ATP6V0E2: variants seen among roughly 807,000 people sequenced by gnomAD.
ATP6V0E2 encodes the protein ATPase H+ transporting V0 subunit e2, also known as V-type proton ATPase subunit e 2.
A neutral mutation model predicts 11.5 loss-of-function variants in ATP6V0E2; 4 were observed. The ratio of observed to expected loss-of-function variants is 0.35; its 90% confidence interval spans 0.17 to 0.80. The LOEUF (loss-of-function observed/expected upper bound fraction) is 0.80, where lower values mean the gene tolerates loss of function less well. Ranked by LOEUF, ATP6V0E2 falls within the 30% of genes least tolerant of loss-of-function variation. The pLI, the probability that ATP6V0E2 is intolerant of heterozygous loss-of-function variation, is 0.53. For synonymous variants in ATP6V0E2, 52 were observed against 51.0 expected (o/e 1.02, Z -0.09); for missense variants, 93 against 113.5 (o/e 0.82, Z 0.82).
intron 2 of ATP6V0E2, among the ~76,000 whole-genome samples, chr7:149,877,591 T>C: frequency 6.7e-6 from 1 of 149,048 alleles, no homozygotes; most frequent in East Asian, 2.0e-4. Flanking sequence ...AAATTCTTCC[T>C]GGACAGAGCA....
chr7:149,878,407 C>T (rs995826892), intron 2 of ATP6V0E2, among the ~76,000 whole-genome samples: 1 of 152,156 alleles, frequency 6.6e-6, no homozygotes, highest in Non-Finnish European at 1.5e-5. Context: ...AGGCTGCCTC[C>T]CCTCTTCTCT....
At chr7:149,878,031 C>G (rs1012254708) in intron 2 of ATP6V0E2, among the ~76,000 whole-genome samples, 3 of 152,146 alleles carry the variant, frequency 2.0e-5, no homozygotes, top group African/African-American at 7.2e-5. Flanking sequence ...GTGGGGGGCC[C>G]TTCCAGGTCA....
At chr7:149,874,288 A>G in intron 1 of ATP6V0E2, 119 bp downstream of exon 1, 1 of 1,321,670 alleles carries the variant, frequency 7.6e-7, no homozygotes, top group Non-Finnish European at 1.0e-6. Context: ...GAGGGACGCC[A>G]GGACCCCGGA....
rs758037402 is a variant in ATP6V0E2 at position 149,879,379 on chromosome 7, C to T, written c.*64C>T. 3 of 1,581,640 alleles carry T rather than the reference C, an allele frequency of 1.9e-6. No individual in the cohort carries two copies. The highest frequency in any genetic ancestry group is 1.2e-5 in the South Asian group (1 of 86,148). On this transcript the variant is annotated 3_prime_UTR_variant, in exon 4 of 4. Coordinates refer to ENST00000425642, the MANE Select transcript of ATP6V0E2 (RefSeq NM_145230.4). ...ACTGTGGCTCCACTGTCCCTGACAA[C>T]CCCTTCGTCCGGACCCTCCCCCACA...
At chr7:149,878,379 G>T (rs1165445385) in intron 2 of ATP6V0E2, among the ~76,000 whole-genome samples, 1 of 152,116 alleles carries the variant, frequency 6.6e-6, no homozygotes, top group Non-Finnish European at 1.5e-5. Context: ...GCTGGGAGTC[G>T]CTCCCAAAGC....
Position 149,878,806 on chromosome 7 carries a change from G to C in ATP6V0E2, c.*19+16G>C, listed in dbSNP as rs759464614. The C allele has an allele frequency of 2.5e-6, 4 of 1,609,432 alleles. No homozygotes were observed. In the South Asian group the frequency reaches 3.3e-5, roughly 13 times the overall value. ...CCCGACCCAGGTACTGTGTGGGCGA[G>C]GGGTGTGGGTGGGGAAGAGGGGAAA... On this transcript the variant is annotated intron_variant, in intron 3 of 3. Coordinates refer to ENST00000425642, the MANE Select transcript of ATP6V0E2 (RefSeq NM_145230.4).
Position 149,879,312 on chromosome 7 carries a change from C to T in ATP6V0E2, c.*20-23C>T, listed in dbSNP as rs960608534. ...GAGTCTCCACTGCAAGGCCGGGACC[C>T]TTCCATGTGATGTGCTTTTCAGGTG... is the stretch of plus-strand genomic sequence containing the variant. On this transcript the variant is annotated intron_variant, in intron 3 of 3. Transcript: ENST00000425642. 8.0e-6 allele frequency: 12 copies of T among 1,501,086 alleles called. No individual in the cohort carries two copies. The African/African-American group carries it at 1.3e-4, about 16-fold the overall frequency. 93.0% of individuals were successfully genotyped at this position (1,501,086 alleles called of 1,614,324 possible). A position where few individuals can be genotyped will look rare whatever the true frequency, so the allele number is the denominator to read the frequency against.
rs1344858908 is a variant in ATP6V0E2, at chr7:149,879,862, G to A, written c.*547G>A. On this transcript the variant is annotated 3_prime_UTR_variant, in exon 4 of 4. Coordinates refer to ENST00000425642, the MANE Select transcript of ATP6V0E2 (RefSeq NM_145230.4). ...GTCTAGATGTGAAATTTCTGAAAATGTTGAAGCAGAGAAACATTCACACAC... is the reference window on the plus strand; with the variant it reads ...GTCTAGATGTGAAATTTCTGAAAATATTGAAGCAGAGAAACATTCACACAC... 2 of 438,494 alleles carry A rather than the reference G, an allele frequency of 4.6e-6. No homozygotes were observed. The highest frequency in any genetic ancestry group is 7.7e-6 in the Non-Finnish European group (2 of 259,946). 27.2% of individuals were successfully genotyped at this position (438,494 alleles called of 1,614,324 possible).
In ATP6V0E2 at chr7:149,879,443, C is replaced by T. The variant is rs1028395705; in HGVS notation, c.*128C>T. 5 of 1,602,102 alleles carry T rather than the reference C, an allele frequency of 3.1e-6. No individual in the cohort carries two copies. The highest frequency in any genetic ancestry group is 3.4e-5 in the Admixed American group (2 of 58,660). ...TCACCAGCTCCCTCCTGCTGGCACC[C>T]AGAGACCCGGACCCGCAGGGCCTGC... On this transcript the variant is annotated 3_prime_UTR_variant, in exon 4 of 4. Coordinates refer to ENST00000425642, the MANE Select transcript of ATP6V0E2 (RefSeq NM_145230.4).
At chr7:149,875,676 GCCAGTTCCTTTGT>G in intron 2 of ATP6V0E2, 31 bp downstream of exon 2, 1 of 1,607,196 alleles carries the variant, frequency 6.2e-7, no homozygotes, top group Non-Finnish European at 8.5e-7. Context: ...CTCAAAGTCA[GCCAGTTCCTTTGT>G]CCTCCCTCCT....
Position 149,875,590 on chromosome 7 carries a change from T to G in ATP6V0E2, c.105-8T>G. ...ATTTGTTCTGACCCGTGTCCTCTTC[T>G]GCTGCAGAGTGATCATCACCATGCT... On this transcript the variant is annotated splice_polypyrimidine_tract_variant and splice_region_variant and intron_variant, in intron 1 of 3. Coordinates refer to ENST00000425642, the MANE Select transcript of ATP6V0E2 (RefSeq NM_145230.4). 4.3e-6 allele frequency: 7 copies of G among 1,613,810 alleles called. No homozygotes were observed. Among genetic ancestry groups the G allele is most frequent in the East Asian group, 2.2e-5 (1 of 44,886 alleles).
intron 2 of ATP6V0E2, among the ~76,000 whole-genome samples, chr7:149,876,502 G>C (rs1209741696): frequency 1.3e-5 from 2 of 152,224 alleles, no homozygotes; most frequent in Non-Finnish European, 2.9e-5. Context: ...CAGATCCTCA[G>C]TGTCTATTGT....
At position 149,874,040 on chromosome 7, in the gene ATP6V0E2, C is replaced by A. The variant is rs1028602775; in HGVS notation, c.-26C>A. ...CAGCGCCCGCTGCTCGGCCCTGCAT[C>A]CTGCCTGGGCATCCTGCGCCCGGCC... On this transcript the variant is annotated 5_prime_UTR_variant, in exon 1 of 4. Coordinates refer to ENST00000425642, the MANE Select transcript of ATP6V0E2 (RefSeq NM_145230.4). 2 of 1,549,618 alleles carry A rather than the reference C, an allele frequency of 1.3e-6. No homozygotes were observed. The highest frequency in any genetic ancestry group is 2.7e-5 in the African/African-American group (2 of 73,162).
Position 149,879,832 on chromosome 7 carries a change from G to T in ATP6V0E2, c.*517G>T, listed in dbSNP as rs1180092679. 5 of 485,482 alleles carry T rather than the reference G, an allele frequency of 1.0e-5. No individual in the cohort carries two copies. The highest frequency in any genetic ancestry group is 1.7e-5 in the Non-Finnish European group (5 of 299,222). 30.1% of individuals were successfully genotyped at this position (485,482 alleles called of 1,614,324 possible). ...TCTGGCATGGAATTGTTAATTTTCT[G>T]ACACGTCTAGATGTGAAATTTCTGA... On this transcript the variant is annotated 3_prime_UTR_variant, in exon 4 of 4. Transcript: ENST00000425642.
At chr7:149,879,167 G>T (rs1184606476) in intron 3 of ATP6V0E2, 168 bp from the exon 4 acceptor site, 2 of 1,400,200 alleles carry the variant, frequency 1.4e-6, no homozygotes, top group East Asian at 5.4e-5. Context: ...TCCTCACAGC[G>T]CTTCACCCCA....
Position 149,878,564 on chromosome 7 carries a change from C to G in ATP6V0E2, c.153-114C>G, listed in dbSNP as rs1158537836. The G allele has an allele frequency of 4.8e-6, 4 of 827,532 alleles. No homozygotes were observed. In the South Asian group the frequency reaches 7.3e-5, roughly 15 times the overall value. 51.3% of individuals were successfully genotyped at this position (827,532 alleles called of 1,614,324 possible). On this transcript the variant is annotated intron_variant, in intron 2 of 3. Coordinates refer to ENST00000425642, the MANE Select transcript of ATP6V0E2 (RefSeq NM_145230.4). ...TGGGCCCTTCTTCACCCTGGGAACACAGGCCCTGCCATCTGCTGGGTTGGC... is the reference window on the plus strand; with the variant it reads ...TGGGCCCTTCTTCACCCTGGGAACAGAGGCCCTGCCATCTGCTGGGTTGGC...
Position 149,879,317 on chromosome 7 carries a change from A to G in ATP6V0E2, c.*20-18A>G, listed in dbSNP as rs758988562. The G allele has an allele frequency of 2.4e-5, 36 of 1,509,342 alleles. No individual in the cohort carries two copies. Among genetic ancestry groups the G allele is most frequent in the Middle Eastern group, 1.8e-4 (1 of 5,668 alleles). The allele number at this position is 1,509,342 out of a possible 1,614,324, so 93.5% of individuals were successfully genotyped here. A position where few individuals can be genotyped will look rare whatever the true frequency, so the allele number is the denominator to read the frequency against. On this transcript the variant is annotated intron_variant, in intron 3 of 3. Transcript: ENST00000425642. Reference sequence around the variant, plus strand: ...TCCACTGCAAGGCCGGGACCCTTCCATGTGATGTGCTTTTCAGGTGCCCAG... The same window carrying G: ...TCCACTGCAAGGCCGGGACCCTTCCGTGTGATGTGCTTTTCAGGTGCCCAG...
intron 2 of ATP6V0E2, 49 bp downstream of exon 2, chr7:149,875,694 C>T (rs781442627): frequency 6.5e-7 from 1 of 1,549,488 alleles, no homozygotes; most frequent in South Asian, 1.2e-5. Context: ...CTTTGTCCTC[C>T]CTCCTTTCCT....
intron 3 of ATP6V0E2, 50 bp downstream of exon 3, chr7:149,878,840 T>TGTGGTTAGAG (rs775970751): frequency 0.018 from 20,477 of 1,158,456 alleles, 4,094 homozygotes; most frequent in Non-Finnish European, 0.021. Flanking sequence ...AAGACAAGGC[T>TGTGGTTAGAG]TTCCCACACC....
Sources: allele counts gnomAD v4.1 joint callset (sites outside exome capture counted in the v4.1 genomes callset), GRCh38; gene constraint gnomAD v4.1.1; transcripts MANE v1.5; gene names NCBI Gene and HGNC (gene_info 2026-07-23, HGNC 2026-07-21).